Variants in MYO18A observed in about 807,000 individuals in gnomAD.
The protein encoded by MYO18A is myosin XVIIIA, also known as unconventional myosin-XVIIIa.
In MYO18A, 78 loss-of-function variants were observed where a neutral mutation model predicts 235.8. The ratio of observed to expected loss-of-function variants is 0.33; its 90% CI spans 0.28 to 0.40. The LOEUF is 0.40. Ranked by LOEUF, MYO18A falls within the 10% of genes least tolerant of loss-of-function variation. MYO18A has a pLI of 1.00. For synonymous variants in MYO18A, 977 were observed against 1,077.8 expected, an observed-to-expected ratio of 0.91 and a Z score of 1.83; for missense variants, 2,215 against 2,699.3, an observed-to-expected ratio of 0.82 and a Z score of 3.98.
chr17:29,094,842 G>A lies in MYO18A; in HGVS notation c.4518C>T (p.Asp1506=). ...TCTGGGTGAACCCTGCAATGTCCAT[G>A]TCTTTTTCCTGGAGCAAAAGAGATG... ...FSLKQQLEEK[D]MDIAGFTQKV... is the part of the protein sequence containing the mutation. Residue 1506 remains aspartate, a synonymous_variant, in exon 30 of 42, where the codon GAC becomes GAT. Coordinates refer to ENST00000527372, the MANE Select transcript of MYO18A (RefSeq NM_078471.4). The A allele has an allele frequency of 6.2e-7, 1 of 1,614,056 alleles. No individual in the cohort carries two copies.
At chr17:29,114,826 C>A in intron 14 of MYO18A, 81 bp downstream of exon 14, 2 of 1,407,824 alleles carry the variant, frequency 1.4e-6, no homozygotes, top group East Asian at 2.4e-5. Flanking sequence ...TAAGGTGATG[C>A]CTTCTGCATC....
intron 28 of MYO18A, 138 bp from the exon 29 acceptor site, chr17:29,095,197 T>A: frequency 7.7e-7 from 1 of 1,298,580 alleles, no homozygotes; most frequent in Non-Finnish European, 1.0e-6. Context: ...GGGCCAGTTG[T>A]AAGGTAGCGG....
Position 29,140,827 on chromosome 17 carries a change from T to C in MYO18A, c.1000-18574A>G, listed in dbSNP as rs1598369651. 6.6e-6 allele frequency among the ~76,000 whole-genome samples: 1 copy of C among 152,132 alleles called. No individual in the cohort carries two copies. Among genetic ancestry groups the C allele is most frequent in the East Asian group, 1.9e-4 (1 of 5,188 alleles). ...ACACACACACACACACACACCAGCA[T>C]GCACGAACATTCAATCAACACAGTG... On this transcript the variant is annotated intron_variant, in intron 2 of 41. Transcript: ENST00000527372. The surrounding 1 kb of genome is among the most constrained non-coding windows in gnomAD (Gnocchi z 4.2).
rs1432398033 is a variant in MYO18A, at chr17:29,128,491, G to A, written c.1000-6238C>T. ...AAGTCTCTGGGGGTATCGGGCTGGTGGGAGGCTGAGGACTCCTAGATGGGC... is the reference window on the plus strand; with the variant it reads ...AAGTCTCTGGGGGTATCGGGCTGGTAGGAGGCTGAGGACTCCTAGATGGGC... On this transcript the variant is annotated intron_variant, in intron 2 of 41. Coordinates refer to ENST00000527372, the MANE Select transcript of MYO18A (RefSeq NM_078471.4). The A allele has an allele frequency of 9.3e-6, 12 of 1,287,148 alleles. No individual in the cohort carries two copies. The East Asian group carries it at 2.8e-4, about 30-fold the overall frequency. 79.7% of individuals were successfully genotyped at this position (1,287,148 alleles called of 1,614,324 possible).
At chr17:29,147,771 A>G (rs2067878787) in intron 2 of MYO18A, among the ~76,000 whole-genome samples, 1 of 151,606 alleles carries the variant, frequency 6.6e-6, no homozygotes, top group Non-Finnish European at 1.5e-5. Context: ...GTGGCCTGCA[A>G]CTGTAGTCTT....
intron 23 of MYO18A, 140 bp from the exon 24 acceptor site, chr17:29,098,585 C>T: frequency 9.1e-7 from 1 of 1,097,188 alleles, no homozygotes; most frequent in Non-Finnish European, 1.3e-6. Flanking sequence ...AATAGCAGAG[C>T]CACTGCCTCC....
intron 2 of MYO18A, among the ~76,000 whole-genome samples, 184 bp downstream of exon 2, chr17:29,165,758 A>T (rs546820456): frequency 6.6e-6 from 1 of 152,316 alleles, no homozygotes; most frequent in African/African-American, 2.4e-5. Context: ...CCAGAGGATT[A>T]TGAGCATGGG....
intron 1 of MYO18A, among the ~76,000 whole-genome samples, chr17:29,170,197 CT>C (rs1463774133): frequency 3.0e-4 from 46 of 152,210 alleles, no homozygotes; most frequent in Admixed American, 3.0e-3. Flanking sequence ...AAAGGCACCC[CT>C]CTCATCCCAA....
intron 18 of MYO18A, 50 bp downstream of exon 18, chr17:29,110,386 G>A (rs1487853885): frequency 3.3e-6 from 5 of 1,517,658 alleles, no homozygotes; most frequent in Non-Finnish European, 4.4e-6. Context: ...GCCTACCAGG[G>A]GTAAGGAAGG....
intron 2 of MYO18A, among the ~76,000 whole-genome samples, chr17:29,144,760 G>A (rs755517941): frequency 2.0e-5 from 3 of 152,030 alleles, no homozygotes; most frequent in African/African-American, 4.8e-5. Context: ...ACATACATAC[G>A]GTTCTTGGTT....
chr17:29,101,146 C>T (rs1272105004), intron 21 of MYO18A, among the ~76,000 whole-genome samples: 1 of 151,892 alleles, frequency 6.6e-6, no homozygotes, highest in Non-Finnish European at 1.5e-5. Flanking sequence ...TACAGGTGTG[C>T]ACCACCATTC....
intron 2 of MYO18A, among the ~76,000 whole-genome samples, chr17:29,130,173 T>C (rs1046263223): frequency 2.6e-5 from 4 of 151,888 alleles, no homozygotes; most frequent in African/African-American, 7.3e-5. Context: ...TGTGTGCCTA[T>C]AGTCCCAGCT....
At position 29,165,951 on chromosome 17, in the gene MYO18A, C is replaced by T. The variant is rs548739846; in HGVS notation, c.990G>A (p.Glu330=). Reference sequence around the variant, plus strand: ...CCAGGGAAGCACTCACATCGGATGGCTCCCTGCGAGGTCCCTCGCCGCTCC... The same window carrying T: ...CCAGGGAAGCACTCACATCGGATGGTTCCCTGCGAGGTCCCTCGCCGCTCC... ...WLRSGEGPRR[E]PSDAKTEEQI... is the part of the protein sequence containing the mutation. The change falls in exon 2 of 42, where the codon GAG becomes GAA. Residue 330 remains glutamate (E), a synonymous_variant. Transcript: ENST00000527372. 1 of 1,612,110 alleles carries T rather than the reference C, an allele frequency of 6.2e-7. No homozygotes were observed. The highest frequency in any genetic ancestry group is 1.1e-5 in the South Asian group (1 of 90,918).
chr17:29,105,628 G>A (rs1435037222), intron 20 of MYO18A, among the ~76,000 whole-genome samples: 1 of 152,124 alleles, frequency 6.6e-6, no homozygotes, highest in Admixed American at 6.5e-5. Flanking sequence ...AGAAGCTGGA[G>A]CCTGATGTCC....
At chr17:29,114,487 G>GC (rs2067009137) in intron 14 of MYO18A, among the ~76,000 whole-genome samples, 1 of 152,156 alleles carries the variant, frequency 6.6e-6, no homozygotes, top group African/African-American at 2.4e-5. Flanking sequence ...TCCAGATGAG[G>GC]CAGGATTTCC....
chr17:29,168,530 T>C (rs2068331427), intron 1 of MYO18A, among the ~76,000 whole-genome samples: 1 of 152,192 alleles, frequency 6.6e-6, no homozygotes, highest in African/African-American at 2.4e-5. Flanking sequence ...TACAAGCTTA[T>C]CCCTTCTAGT....
chr17:29,142,196 T>C (rs1877462445), intron 2 of MYO18A, among the ~76,000 whole-genome samples: 1 of 152,164 alleles, frequency 6.6e-6, no homozygotes, highest in South Asian at 2.1e-4. Context: ...CCTCCCAGAG[T>C]GCTGGAATTA....
rs749785181 is a variant in MYO18A, at chr17:29,097,357, G to A, written c.4103-7C>T. On this transcript the variant is annotated splice_polypyrimidine_tract_variant and splice_region_variant and intron_variant, in intron 26 of 41. Transcript: ENST00000527372. ...TTCAGCCGCCACTCGCCACCTGTGG[G>A]GTTGAGGCAGACAAGGGAGGATGGA... The A allele has an allele frequency of 3.1e-6, 5 of 1,607,022 alleles. No homozygotes were observed. The East Asian group carries it at 1.1e-4, about 36-fold the overall frequency.
rs976436794 is a variant in MYO18A, at chr17:29,079,223, G to A, written c.6020+3093C>T. ...GAATGGGTGCTGCTGGGCACACACA[G>A]TAAACATGTTGCCCATGTGCTCTGC... On this transcript the variant is annotated intron_variant, in intron 41 of 41. Transcript: ENST00000527372. 2.0e-5 allele frequency among the ~76,000 whole-genome samples: 3 copies of A among 152,216 alleles called. 1 individual carries two copies. Among genetic ancestry groups the A allele is most frequent in the South Asian group, 4.1e-4 (2 of 4,832 alleles).
Sources: allele counts gnomAD v4.1 joint callset (sites outside exome capture counted in the v4.1 genomes callset), GRCh38; gene constraint gnomAD v4.1.1; non-coding constraint Gnocchi (gnomAD v3.1); transcripts MANE v1.5; gene names NCBI Gene and HGNC (gene_info 2026-07-23, HGNC 2026-07-21).